KARS1: variants seen among roughly 807,000 people sequenced by gnomAD.
KARS1 encodes lysyl-tRNA synthetase 1, also known as lysine--tRNA ligase.
KARS1 carries 50 observed loss-of-function variants against 63.9 expected under a neutral mutation model. The ratio of observed to expected loss-of-function variants is 0.78; its 90% CI spans 0.62 to 0.99. The LOEUF (loss-of-function observed/expected upper bound fraction) is 0.99. Among genes scored for constraint, KARS1 ranks in the 50% least tolerant of loss-of-function variants. The probability of loss-of-function intolerance (pLI) is 0.00; values close to 1 mark genes in which losing one functional copy is unlikely to be tolerated. For synonymous variants in KARS1, 320 were observed against 264.6 expected, an observed-to-expected ratio of 1.21 and a Z score of -2.03; for missense variants, 816 against 754.5, an observed-to-expected ratio of 1.08 and a Z score of -0.95.
intron 6 of KARS1, chr16:75,635,439 A>G (rs2082151358): frequency 2.0e-6 from 1 of 499,848 alleles, no homozygotes; most frequent in Non-Finnish European, 3.6e-6. Flanking sequence ...ACGTGAATAC[A>G]TATTGAATGT....
At position 75,635,688 on chromosome 16, in the gene KARS1, A is replaced by C. The variant is rs772410450; in HGVS notation, c.787T>G (p.Phe263Val). The C allele has an allele frequency of 5.0e-6, 8 of 1,613,998 alleles. No homozygotes were observed. The highest frequency in any genetic ancestry group is 6.8e-6 in the Non-Finnish European group (8 of 1,180,032). Residue 263 changes from phenylalanine (F) to valine (V), a missense_variant, in exon 6 of 14, where the codon TTC becomes GTC. Transcript: ENST00000302445. The stretch of plus-strand genomic sequence containing the variant: ...CAAGGAACTCTCCTTACCTCTAGGA[A>C]TCCCAGCTCATCTAAGAAACTTCTT... Reference protein sequence around the residue: ...YIRSFLDELGFLEIETPMMNI... With the variant: ...YIRSFLDELGVLEIETPMMNI...
intron 1 of KARS1, among the ~76,000 whole-genome samples, chr16:75,647,312 G>A (rs1468898374): frequency 1.3e-5 from 2 of 152,186 alleles, no homozygotes; most frequent in East Asian, 3.9e-4. Context: ...CTTAGTTCTC[G>A]TCCTAGTTCC....
chr16:75,631,291 A>T, intron 9 of KARS1, 38 bp from the exon 10 acceptor site: 1 of 1,592,650 alleles, frequency 6.3e-7, no homozygotes, highest in Non-Finnish European at 8.6e-7. Context: ...AGGAGACATC[A>T]CACTAGCCAA....
chr16:75,647,391 AGCCG>A lies in KARS1; in HGVS notation c.62+183_62+186del. 9.0e-6 allele frequency: 6 copies of A among 665,610 alleles called. No homozygotes were observed. The South Asian group carries it at 1.0e-4, about 11-fold the overall frequency. 41.2% of individuals were successfully genotyped at this position (665,610 alleles called of 1,614,324 possible). ...CCGCCGGTGCCAGCTGGGAACGGGGAGCCGGCGTGCCCGGGGTATCCCGGGGTAC... is the reference window on the plus strand; with the variant it reads ...CCGCCGGTGCCAGCTGGGAACGGGGAGCGTGCCCGGGGTATCCCGGGGTAC... On this transcript the variant is annotated intron_variant, in intron 1 of 13. Transcript: ENST00000302445.
intron 2 of KARS1, 57 bp from the exon 3 acceptor site, chr16:75,640,406 G>A (rs2082211372): frequency 1.9e-6 from 3 of 1,562,862 alleles, no homozygotes; most frequent in East Asian, 2.2e-5. Flanking sequence ...CAGACCAGTG[G>A]GGCCCACCTA....
intron 12 of KARS1, 85 bp from the exon 13 acceptor site, chr16:75,628,797 G>T (rs367743453): frequency 7.1e-7 from 1 of 1,409,936 alleles, no homozygotes; most frequent in Non-Finnish European, 1.0e-6. Context: ...CTCCGAGGTG[G>T]GAGTACCATC....
rs150529876 is a variant in KARS1 at position 75,635,980 on chromosome 16, A to G, written c.601T>C (p.Tyr201His). The G allele has an allele frequency of 3.9e-4, 635 of 1,614,208 alleles. 6 individuals carry two copies. The East Asian group carries it at 0.013, about 34-fold the overall frequency. The stretch of plus-strand genomic sequence containing the variant: ...CAGGGAGACAGCAGTGTGATCTCAT[A>G]CGGAATGATGCTCAGCTCACCCTTC... ...TKKGELSIIPYEITLLSPCLH... is the reference protein window; with the variant it reads ...TKKGELSIIPHEITLLSPCLH... The change falls in exon 5 of 14, where the codon TAT (tyrosine) becomes CAT (histidine). Residue 201 changes from tyrosine to histidine, a missense_variant. Transcript: ENST00000302445.
chr16:75,635,193 A>T lies in KARS1; in HGVS notation c.795+487T>A, dbSNP rs375594007. ...AATAAAACTCCTCCAAAATGTTTAC[A>T]TATGTGCACTCCATCTGCAACATGC... On this transcript the variant is annotated intron_variant, in intron 6 of 13. Transcript: ENST00000302445. 3 of 188,944 alleles carry T rather than the reference A, an allele frequency of 1.6e-5. No individual in the cohort carries two copies. In the South Asian group the frequency reaches 3.0e-4, roughly 19 times the overall value. 11.7% of individuals were successfully genotyped at this position (188,944 alleles called of 1,614,324 possible). A position where few individuals can be genotyped will look rare whatever the true frequency, so the allele number is the denominator to read the frequency against.
At chr16:75,631,919 C>A in intron 7 of KARS1, 64 bp from the exon 8 acceptor site, 1 of 1,590,470 alleles carries the variant, frequency 6.3e-7, no homozygotes. Context: ...TGGAGTTTTG[C>A]TCTTGTTGCC....
At chr16:75,643,144 T>C (rs545908497) in intron 1 of KARS1, among the ~76,000 whole-genome samples, 8 of 152,202 alleles carry the variant, frequency 5.3e-5, no homozygotes, top group Non-Finnish European at 1.0e-4. Flanking sequence ...GAATTTGCTA[T>C]CTGAAACCAG....
intron 1 of KARS1, chr16:75,644,489 T>TC: frequency 6.5e-7 from 1 of 1,535,420 alleles, no homozygotes; most frequent in African/African-American, 1.4e-5. Context: ...AGATGTGGTG[T>TC]CAGATGGGAC....
intron 1 of KARS1, 172 bp downstream of exon 1, chr16:75,647,406 G>C (rs1404003233): frequency 1.4e-6 from 1 of 698,972 alleles, no homozygotes; most frequent in Non-Finnish European, 2.6e-6. Context: ...GCGTGCCCGG[G>C]GTATCCCGGG....
rs374126791 is a variant in KARS1 at position 75,640,190 on chromosome 16, C to G, written c.382G>C (p.Val128Leu). 1 of 1,614,040 alleles carries G rather than the reference C, an allele frequency of 6.2e-7. No individual in the cohort carries two copies. The highest frequency in any genetic ancestry group is 8.5e-7 in the Non-Finnish European group (1 of 1,179,958). The stretch of plus-strand genomic sequence containing the variant: ...TGCCAGGGAGAGTTCCTACCTGCCA[C>G]CTTTAAGGTGATGTCAGTCAGGTGA... ...GDHLTDITLK[V>L]AGRIHAKRAS... Residue 128 changes from valine to leucine, a missense_variant, in exon 3 of 14, where the codon GTG becomes CTG. Val to Leu is a conservative substitution (Grantham distance 32). Coordinates refer to ENST00000302445, the MANE Select transcript of KARS1 (RefSeq NM_005548.3).
intron 10 of KARS1, 35 bp from the exon 11 acceptor site, chr16:75,630,543 T>A: frequency 7.5e-7 from 1 of 1,339,306 alleles, no homozygotes; most frequent in Non-Finnish European, 1.1e-6. Context: ...CAGTCACCAT[T>A]TCTGAATAGT....
At chr16:75,633,213 T>C (rs555344413) in intron 7 of KARS1, among the ~76,000 whole-genome samples, 3 of 152,180 alleles carry the variant, frequency 2.0e-5, no homozygotes, top group African/African-American at 7.2e-5. Flanking sequence ...TCGGCCGCAA[T>C]GACAAATACA....
At chr16:75,631,612 AGCG>A in intron 8 of KARS1, 23 bp from the exon 9 acceptor site, 3 of 1,614,104 alleles carry the variant, frequency 1.9e-6, no homozygotes, top group Non-Finnish European at 2.5e-6. Flanking sequence ...CCTGTTATTT[AGCG>A]GGAATGAAAT....
intron 1 of KARS1, among the ~76,000 whole-genome samples, chr16:75,643,121 T>C (rs2082242547): frequency 6.6e-6 from 1 of 152,238 alleles, no homozygotes; most frequent in Non-Finnish European, 1.5e-5. Flanking sequence ...TATGTTCATG[T>C]CTCTTATAGT....
chr16:75,631,834 C>G lies in KARS1; in HGVS notation c.937G>C (p.Asp313His), dbSNP rs1291820863. ...TGGCGTCCAATTTCATAAACCCGGT[C>G]GATGCCACCAACCACAAGCATCTAA... ...YHKMLVVGGI[D>H]RVYEIGRQFR... Residue 313 changes from aspartate to histidine, a missense_variant, in exon 8 of 14, where the codon GAC becomes CAC. By Grantham distance (81) the Asp-to-His change is moderately conservative (BLOSUM62 -1). Coordinates refer to ENST00000302445, the MANE Select transcript of KARS1 (RefSeq NM_005548.3). 1.2e-6 allele frequency: 2 copies of G among 1,614,062 alleles called. No individual in the cohort carries two copies. The highest frequency in any genetic ancestry group is 1.7e-6 in the Non-Finnish European group (2 of 1,180,028).
In KARS1 at chr16:75,635,786, C is replaced by T. The variant is rs1306530636; in HGVS notation, c.689G>A (p.Arg230Lys). The part of the protein sequence containing the change: ...LKDKETRYRQ[R>K]YLDLILNDFV... ...GTCATTCAGGATCAAGTCCAAGTAT[C>T]TCTGGCGATACCTTGTTTCCTAAAC... is the stretch of plus-strand genomic sequence containing the variant. The change falls in exon 6 of 14, where the codon AGA becomes AAA. Residue 230 changes from arginine to lysine, a missense_variant. Physicochemically the swap from Arg to Lys is conservative, Grantham distance 26. Transcript: ENST00000302445. 8 of 1,614,200 alleles carry T rather than the reference C, an allele frequency of 5.0e-6. No individual in the cohort carries two copies. Among genetic ancestry groups the T allele is most frequent in the South Asian group, 1.1e-5 (1 of 91,078 alleles).
Sources: allele counts gnomAD v4.1 joint callset (sites outside exome capture counted in the v4.1 genomes callset), GRCh38; gene constraint gnomAD v4.1.1; transcripts MANE v1.5; gene names NCBI Gene and HGNC (gene_info 2026-07-23, HGNC 2026-07-21).